Variants in MAML3 observed in about 807,000 individuals in gnomAD.
The protein encoded by MAML3 is mastermind-like protein 3.
In MAML3, 27 loss-of-function variants were observed where a neutral mutation model predicts 101.9. That is an observed-to-expected ratio of 0.27 (90% CI 0.20 to 0.37). The LOEUF is 0.37. Ranked by LOEUF, MAML3 falls within the 10% of genes least tolerant of loss-of-function variation. The pLI, the probability that MAML3 is intolerant of heterozygous loss-of-function variation, is 1.00. For synonymous variants in MAML3, 501 were observed against 555.9 expected (o/e 0.90, Z 1.39); for missense variants, 1,316 against 1,444.9 (o/e 0.91, Z 1.45).
chr4:139,772,490 C>T (rs1356795475), intron 2 of MAML3, among the ~76,000 whole-genome samples: 2 of 151,162 alleles, frequency 1.3e-5, no homozygotes, highest in African/African-American at 2.4e-5. Context: ...TACAGGTGCC[C>T]GCCACCACAC....
intron 2 of MAML3, among the ~76,000 whole-genome samples, chr4:139,812,403 A>G (rs1730820994): frequency 6.6e-6 from 1 of 152,218 alleles, no homozygotes; most frequent in Non-Finnish European, 1.5e-5. Flanking sequence ...CATTCCGTGC[A>G]TAGTACATGG....
intron 1 of MAML3, among the ~76,000 whole-genome samples, chr4:139,920,659 A>G (rs1207722514): frequency 2.0e-5 from 3 of 152,236 alleles, no homozygotes; most frequent in African/African-American, 7.2e-5. Context: ...TGGAGGGCAC[A>G]CAGTTGTCCA....
intron 2 of MAML3, chr4:139,888,702 T>G (rs1732389899): frequency 4.1e-5 from 21 of 516,960 alleles, no homozygotes; most frequent in South Asian, 2.8e-4. Context: ...ACCATCACAT[T>G]TTCCTGAAAT....
chr4:139,893,106 ACTCC>A (rs1732537414), intron 1 of MAML3, among the ~76,000 whole-genome samples: 1 of 151,932 alleles, frequency 6.6e-6, no homozygotes, highest in African/African-American at 2.4e-5. Flanking sequence ...AGGTGCTGAT[ACTCC>A]GGTTTCTCTT....
chr4:140,104,389 T>C (rs1372879821), intron 1 of MAML3, among the ~76,000 whole-genome samples: 1 of 58,854 alleles, frequency 1.7e-5, no homozygotes, highest in Admixed American at 2.4e-4. Context: ...ATATATATAT[T>C]ATATATTATA....
intron 1 of MAML3, among the ~76,000 whole-genome samples, chr4:140,043,086 A>C (rs1299879568): frequency 1.3e-5 from 2 of 152,206 alleles, no homozygotes; most frequent in African/African-American, 4.8e-5. Flanking sequence ...AGCCATTCAA[A>C]TTCAGGACTG....
intron 2 of MAML3, among the ~76,000 whole-genome samples, chr4:139,775,200 G>T (rs1730069730): frequency 6.6e-6 from 1 of 152,080 alleles, no homozygotes; most frequent in African/African-American, 2.4e-5. Flanking sequence ...TAGGTAAACT[G>T]GGAAATATTT....
intron 2 of MAML3, among the ~76,000 whole-genome samples, chr4:139,753,346 ATCT>A (rs1347311997): frequency 4.2e-5 from 5 of 119,836 alleles, no homozygotes; most frequent in Admixed American, 3.9e-4. Flanking sequence ...TTTTTAATCT[ATCT>A]ATCTATCTAT....
intron 2 of MAML3, among the ~76,000 whole-genome samples, chr4:139,861,082 C>A (rs1185104583): frequency 6.6e-6 from 1 of 152,100 alleles, no homozygotes; most frequent in African/African-American, 2.4e-5. Flanking sequence ...TTTTCCCTGG[C>A]AGACCTGAAA....
intron 1 of MAML3, among the ~76,000 whole-genome samples, chr4:139,901,468 T>A (rs1732717457): frequency 6.6e-6 from 1 of 152,280 alleles, no homozygotes; most frequent in South Asian, 2.1e-4. Context: ...TATCTCCTGA[T>A]AATCTCCCAC....
At position 140,009,244 on chromosome 4, in the gene MAML3, C is replaced by T. The variant is rs988069172; in HGVS notation, c.469-118277G>A. On this transcript the variant is annotated intron_variant, in intron 1 of 4. Transcript: ENST00000509479. ...TACTAAATGGGAATTGCCAGGAAGG[C>T]AGAGAGTGGTCAAATTTACGAACCA... 5.9e-5 allele frequency among the ~76,000 whole-genome samples: 9 copies of T among 152,324 alleles called. No homozygotes were observed. The South Asian group carries it at 1.7e-3, about 28-fold the overall frequency.
chr4:139,889,129 G>A, intron 2 of MAML3: 2 of 826,406 alleles, frequency 2.4e-6, no homozygotes, highest in Non-Finnish European at 4.1e-6. Context: ...AAAGAAGTTT[G>A]ATTCCTAGAC....
At position 139,924,356 on chromosome 4, in the gene MAML3, G is replaced by A. The variant is rs943698919; in HGVS notation, c.469-33389C>T. On this transcript the variant is annotated intron_variant, in intron 1 of 4. Transcript: ENST00000509479. ...ATTCTTCTTTTAATTGCTTTTTTGT[G>A]TGTACATTAAGAAGGTATTTTACCC... Among the ~76,000 whole-genome samples the A allele has an allele frequency of 5.9e-5, 9 of 152,254 alleles. No individual in the cohort carries two copies. The South Asian group carries it at 6.2e-4, about 11-fold the overall frequency.
chr4:140,109,896 C>G (rs892236330), intron 1 of MAML3, among the ~76,000 whole-genome samples: 1 of 152,210 alleles, frequency 6.6e-6, no homozygotes, highest in Non-Finnish European at 1.5e-5. Context: ...GCCACTGAGT[C>G]TAATGGAAGA....
chr4:139,967,746 G>A (rs1418277068), intron 1 of MAML3, among the ~76,000 whole-genome samples: 3 of 152,076 alleles, frequency 2.0e-5, no homozygotes, highest in African/African-American at 7.2e-5. Flanking sequence ...TCAAACGCCT[G>A]GACAAAGGGG....
chr4:139,784,876 G>C (rs1730278821), intron 2 of MAML3, among the ~76,000 whole-genome samples: 1 of 152,154 alleles, frequency 6.6e-6, no homozygotes, highest in Non-Finnish European at 1.5e-5. Flanking sequence ...CTCACAAGTG[G>C]GAGCTAATGT....
chr4:140,093,044 A>C (rs1470169762), intron 1 of MAML3, among the ~76,000 whole-genome samples: 1 of 152,322 alleles, frequency 6.6e-6, no homozygotes, highest in East Asian at 1.9e-4. Flanking sequence ...ATGTGAAGAC[A>C]GGAAAACTTT....
intron 1 of MAML3, among the ~76,000 whole-genome samples, chr4:139,945,148 C>G (rs558232972): frequency 3.2e-4 from 48 of 152,216 alleles, no homozygotes; most frequent in Admixed American, 4.6e-4. Context: ...GGTCTGTTGA[C>G]TCTCCCAGCC....
chr4:139,921,789 C>G (rs1478359192), intron 1 of MAML3, among the ~76,000 whole-genome samples: 1 of 152,218 alleles, frequency 6.6e-6, no homozygotes, highest in Non-Finnish European at 1.5e-5. Flanking sequence ...ACCAAATGGG[C>G]TGGCACTGCC....
Sources: gnomAD v4.1 joint callset for allele counts (sites outside exome capture counted in the v4.1 genomes callset) on GRCh38, gnomAD v4.1.1 for gene constraint, MANE v1.5 for transcripts, NCBI Gene and HGNC (gene_info 2026-07-23, HGNC 2026-07-21) for gene names.